The following TLK1 variants were observed in gnomAD, a reference collection of about 807,000 sequenced individuals.
The protein encoded by TLK1 is tousled like kinase 1, also known as serine/threonine-protein kinase tousled-like 1.
A neutral mutation model predicts 105.3 loss-of-function variants in TLK1; 24 were observed. The ratio of observed to expected loss-of-function variants is 0.23; its 90% CI spans 0.17 to 0.32. TLK1 has a LOEUF of 0.32. TLK1 is among the 10% of genes least tolerant of loss of function. The probability of loss-of-function intolerance (pLI) is 1.00; values close to 1 mark genes in which losing one functional copy is unlikely to be tolerated. For synonymous variants in TLK1, 321 were observed against 310.4 expected (o/e 1.03, Z -0.36); for missense variants, 558 against 910.5 (o/e 0.61, Z 4.98).
At position 171,046,175 on chromosome 2, in the gene TLK1, G is replaced by A. The variant is rs755158951; in HGVS notation, c.1168C>T (p.Leu390=). 6.4e-6 allele frequency: 10 copies of A among 1,566,538 alleles called. No homozygotes were observed. Among genetic ancestry groups the A allele is most frequent in the Non-Finnish European group, 8.6e-6 (10 of 1,160,270 alleles). The part of the protein sequence containing the change: ...DPFVRPNLPQ[L]LTLAEYHEQE... Reference sequence around the variant, plus strand: ...GAAAAATTTTAAATGGAGGCTTACAGTTGTGGTAAATTTGGTCTAACAAAG... The same window carrying A: ...GAAAAATTTTAAATGGAGGCTTACAATTGTGGTAAATTTGGTCTAACAAAG... Residue 390 remains leucine (L), a splice_region_variant and synonymous_variant, in exon 11 of 21, where the codon CTG becomes TTG. Transcript: ENST00000431350.
intron 2 of TLK1, among the ~76,000 whole-genome samples, chr2:171,097,098 C>G (rs1464016566): frequency 2.0e-5 from 3 of 152,122 alleles, no homozygotes; most frequent in Non-Finnish European, 4.4e-5. Flanking sequence ...TAATAATAAT[C>G]AAAACAGTAC....
intron 1 of TLK1, among the ~76,000 whole-genome samples, chr2:171,194,337 TTGAC>T (rs751710645): frequency 1.1e-3 from 166 of 152,170 alleles, no homozygotes; most frequent in African/African-American, 3.7e-3. Context: ...CAGAAATAAA[TTGAC>T]TGAAGAAGAG....
At chr2:171,167,469 A>G (rs1299619642) in intron 1 of TLK1, among the ~76,000 whole-genome samples, 1 of 152,192 alleles carries the variant, frequency 6.6e-6, no homozygotes, top group East Asian at 1.9e-4. Context: ...GCTCCATTAC[A>G]TTAGATTATG....
At chr2:171,023,235 TTAG>T in intron 12 of TLK1, 1 of 466,714 alleles carries the variant, frequency 2.1e-6, no homozygotes, top group East Asian at 6.9e-5. Context: ...GATTTTTGTT[TTAG>T]TAGAGATTGA....
rs145408015 is a variant in TLK1 at position 171,187,323 on chromosome 2, C to A, written c.-6+43822G>T. On this transcript the variant is annotated intron_variant, in intron 1 of 20. Transcript: ENST00000521943. ...AGACATCCTCGCTGGAATACGTACA[C>A]CTGATGCTTCACTCCTTCAGGGTCC... 1.4e-3 allele frequency among the ~76,000 whole-genome samples: 216 copies of A among 152,242 alleles called. 1 individual carries two copies. Among genetic ancestry groups the A allele is most frequent in the African/African-American group, 4.8e-3 (199 of 41,538 alleles).
intron 11 of TLK1, among the ~76,000 whole-genome samples, chr2:171,029,685 T>C (rs766177971): frequency 6.6e-6 from 1 of 151,862 alleles, no homozygotes; most frequent in Non-Finnish European, 1.5e-5. Flanking sequence ...AAGTGCTTCA[T>C]GGTTATCTTA....
chr2:171,012,573 G>A (rs936718460), intron 13 of TLK1, among the ~76,000 whole-genome samples: 2 of 151,908 alleles, frequency 1.3e-5, no homozygotes, highest in South Asian at 4.2e-4. Context: ...CTGCCTACTG[G>A]GTTAAAGCAA....
chr2:171,066,941 T>C (rs961106170), intron 3 of TLK1: 4 of 1,543,336 alleles, frequency 2.6e-6, no homozygotes, highest in Middle Eastern at 1.7e-4. Context: ...TAATTTATTC[T>C]GGAAATGTTG....
At position 171,058,198 on chromosome 2, in the gene TLK1, C is replaced by G; in HGVS notation, c.407-1G>C. The G allele has an allele frequency of 6.2e-7, 1 of 1,613,302 alleles. No homozygotes were observed. Among genetic ancestry groups the G allele is most frequent in the Non-Finnish European group, 8.5e-7 (1 of 1,179,482 alleles). On this transcript the variant is annotated splice_acceptor_variant, in intron 4 of 20. Transcript: ENST00000431350. LOFTEE classifies it high-confidence loss of function. ...TGGCCACGTCCCCCAATACTTTTTC[C>G]TAAAATATAAGAAGCGCATGATGTT... is the stretch of plus-strand genomic sequence containing the variant.
intron 1 of TLK1, among the ~76,000 whole-genome samples, chr2:171,194,551 C>T (rs936205098): frequency 7.2e-5 from 11 of 152,308 alleles, no homozygotes; most frequent in African/African-American, 2.4e-4. Context: ...GGCGCGGTGG[C>T]TCACGCCTGT....
In TLK1 at chr2:171,089,818, C is replaced by G. The variant is rs189293101; in HGVS notation, c.259-6966G>C. Among the ~76,000 whole-genome samples the G allele has an allele frequency of 2.2e-3, 340 of 152,286 alleles. 1 individual carries two copies. The highest frequency in any genetic ancestry group is 4.1e-3 in the Non-Finnish European group (278 of 68,022). ...CCTCTTAAGTAGCTGGGATTACGGGCACAAGCCACCGTGCCTGGTTTAATT... is the reference window on the plus strand; with the variant it reads ...CCTCTTAAGTAGCTGGGATTACGGGGACAAGCCACCGTGCCTGGTTTAATT... On this transcript the variant is annotated intron_variant, in intron 2 of 20. Coordinates refer to ENST00000431350, the MANE Select transcript of TLK1 (RefSeq NM_012290.5).
At chr2:171,187,717 G>A (rs1693061834) in intron 1 of TLK1, among the ~76,000 whole-genome samples, 1 of 152,058 alleles carries the variant, frequency 6.6e-6, no homozygotes, top group African/African-American at 2.4e-5. Flanking sequence ...ATTGTTTATT[G>A]TCTGCCTGCG....
At chr2:171,160,956 C>A, upstream of TLK1, 1 of 194,104 alleles carries the variant, frequency 5.2e-6, no homozygotes, top group Non-Finnish European at 9.6e-6. This position sits in a 1 kb window ranked among gnomAD's most constrained non-coding sequence, Gnocchi z 4.4. Flanking sequence ...GAGGCTCCTG[C>A]GCCTCCGGTA....
chr2:171,156,251 T>C (rs1692228744), intron 1 of TLK1, among the ~76,000 whole-genome samples: 1 of 152,210 alleles, frequency 6.6e-6, no homozygotes, highest in South Asian at 2.1e-4. Context: ...TCCAGCTGTC[T>C]TCTCCAAGTA....
chr2:171,113,768 T>A (rs1690287103), intron 2 of TLK1, among the ~76,000 whole-genome samples: 1 of 152,118 alleles, frequency 6.6e-6, no homozygotes, highest in African/African-American at 2.4e-5. Context: ...CCTAGATGGA[T>A]TAAAGAGCAA....
chr2:171,051,268 T>A (rs535421756), intron 8 of TLK1, among the ~76,000 whole-genome samples: 40 of 152,232 alleles, frequency 2.6e-4, no homozygotes, highest in Middle Eastern at 3.4e-3. Context: ...TAAAGCTACA[T>A]AACTATGATC....
intron 4 of TLK1, chr2:171,059,890 C>T (rs1201784216): frequency 1.8e-6 from 2 of 1,082,136 alleles, no homozygotes; most frequent in East Asian, 2.4e-5. Flanking sequence ...GGAGGCCGAG[C>T]TTAGGCGGTA....
chr2:171,129,500 T>A (rs1691008167), intron 1 of TLK1, among the ~76,000 whole-genome samples: 1 of 152,166 alleles, frequency 6.6e-6, no homozygotes, highest in African/African-American at 2.4e-5. Context: ...GAAGTCCAAG[T>A]TGAATACGAT....
At chr2:171,215,094 C>G (rs1693688888) in intron 1 of TLK1, among the ~76,000 whole-genome samples, 1 of 152,156 alleles carries the variant, frequency 6.6e-6, no homozygotes, top group Non-Finnish European at 1.5e-5. Flanking sequence ...GTTGGCAACA[C>G]CACACCTGGC....
Sources: gnomAD v4.1 joint callset for allele counts (sites outside exome capture counted in the v4.1 genomes callset) on GRCh38, gnomAD v4.1.1 for gene constraint, Gnocchi (gnomAD v3.1) non-coding constraint, MANE v1.5 for transcripts, NCBI Gene and HGNC (gene_info 2026-07-23, HGNC 2026-07-21) for gene names.